The following TCERG1L variants were observed in gnomAD, a reference collection of about 807,000 sequenced individuals.
The protein encoded by TCERG1L is transcription elongation regulator 1 like, also known as transcription elongation regulator 1-like protein.
TCERG1L carries 37 observed loss-of-function variants against 56.3 expected under a neutral mutation model. The ratio of observed to expected loss-of-function variants is 0.66; its 90% CI spans 0.51 to 0.87. The LOEUF (loss-of-function observed/expected upper bound fraction) is 0.87, where lower values mean the gene tolerates loss of function less well. TCERG1L is among the 40% of genes least tolerant of loss of function. The pLI is 0.00. For synonymous variants in TCERG1L, 324 were observed against 326.3 expected, an observed-to-expected ratio of 0.99 and a Z score of 0.08; for missense variants, 799 against 774.2, an observed-to-expected ratio of 1.03 and a Z score of -0.38.
chr10:131,120,187 G>A (rs74160849), intron 8 of TCERG1L, among the ~76,000 whole-genome samples: 3,593 of 152,158 alleles, frequency 0.024, 130 homozygotes, highest in African/African-American at 0.083. Flanking sequence ...GTGTGTGTGC[G>A]CATGCGTGCA....
At chr10:131,254,770 C>A (rs145797318) in intron 4 of TCERG1L, among the ~76,000 whole-genome samples, 47 of 152,228 alleles carry the variant, frequency 3.1e-4, no homozygotes, top group African/African-American at 1.1e-3. Flanking sequence ...CCTGGGCAGA[C>A]CCGGGGCAAC....
chr10:131,166,900 C>A lies in TCERG1L; in HGVS notation c.857-15G>T. The A allele has an allele frequency of 2.5e-6, 4 of 1,601,428 alleles. No homozygotes were observed. Among genetic ancestry groups the A allele is most frequent in the Non-Finnish European group, 3.4e-6 (4 of 1,176,542 alleles). On this transcript the variant is annotated splice_polypyrimidine_tract_variant and intron_variant, in intron 4 of 11. Transcript: ENST00000368642. ...TGTCCTTGTATCTGTTGGGCCAAAG[C>A]AGTTGTCATTAACATTTCATTTGTC...
chr10:131,119,115 C>A (rs1203045446), intron 8 of TCERG1L, among the ~76,000 whole-genome samples: 1 of 152,160 alleles, frequency 6.6e-6, no homozygotes, highest in Non-Finnish European at 1.5e-5. Context: ...CCAGACCCGG[C>A]CGTCCAGGCC....
chr10:131,202,378 C>G (rs1002195898), intron 4 of TCERG1L, among the ~76,000 whole-genome samples: 8 of 152,060 alleles, frequency 5.3e-5, no homozygotes, highest in Non-Finnish European at 8.8e-5. Context: ...GGTCAGGAGT[C>G]CGAGACCAGT....
intron 4 of TCERG1L, among the ~76,000 whole-genome samples, chr10:131,235,212 C>T (rs1164089931): frequency 6.6e-6 from 1 of 152,230 alleles, no homozygotes; most frequent in Non-Finnish European, 1.5e-5. Flanking sequence ...ACCCTTACCA[C>T]ATGTACCAAC....
At chr10:131,234,085 G>A (rs1032614130) in intron 4 of TCERG1L, among the ~76,000 whole-genome samples, 2 of 152,184 alleles carry the variant, frequency 1.3e-5, no homozygotes, top group African/African-American at 4.8e-5. Flanking sequence ...CCATGTTCTT[G>A]AACTTCCCAG....
chr10:131,269,998 C>T (rs1444895320), intron 3 of TCERG1L, among the ~76,000 whole-genome samples: 3 of 152,204 alleles, frequency 2.0e-5, no homozygotes, highest in Admixed American at 6.5e-5. Flanking sequence ...GAGGAGCGCA[C>T]TTCAGGAGGA....
chr10:131,174,346 C>G (rs1007191321), intron 4 of TCERG1L, among the ~76,000 whole-genome samples: 2 of 152,210 alleles, frequency 1.3e-5, no homozygotes, highest in East Asian at 3.9e-4. Context: ...GGGGCCGTTT[C>G]CCTGGGAGCC....
At position 131,123,822 on chromosome 10, in the gene TCERG1L, C is replaced by T. The variant is rs4750851; in HGVS notation, c.1260-6888G>A. Among the ~76,000 whole-genome samples, 1,124 of 152,298 alleles carry T rather than the reference C, an allele frequency of 7.4e-3. 12 individuals carry two copies. The highest frequency in any genetic ancestry group is 0.01 in the Non-Finnish European group (694 of 68,026). ...GAGTGCACGGTTATTCCCATTAGGA[C>T]CCCACGGAGCCGAGACCCTGCCCCT... is the stretch of plus-strand genomic sequence containing the variant. On this transcript the variant is annotated intron_variant, in intron 8 of 11. Transcript: ENST00000368642.
At chr10:131,228,835 C>T (rs540959358) in intron 4 of TCERG1L, among the ~76,000 whole-genome samples, 39 of 113,504 alleles carry the variant, frequency 3.4e-4, no homozygotes, top group African/African-American at 1.1e-3. Flanking sequence ...TCCCTCCAGA[C>T]AGGCATTTCC....
intron 4 of TCERG1L, among the ~76,000 whole-genome samples, chr10:131,189,652 A>T (rs911316637): frequency 6.6e-6 from 1 of 152,116 alleles, no homozygotes; most frequent in African/African-American, 2.4e-5. Context: ...GAGTGCAGGT[A>T]TCTTTTTGGT....
chr10:131,181,286 G>A (rs1298548772), intron 4 of TCERG1L, among the ~76,000 whole-genome samples: 1 of 152,206 alleles, frequency 6.6e-6, no homozygotes, highest in African/African-American at 2.4e-5. Context: ...CTGGGAGGAT[G>A]GAAATCAGGC....
intron 4 of TCERG1L, among the ~76,000 whole-genome samples, chr10:131,178,336 G>C (rs902201058): frequency 3.9e-5 from 6 of 152,234 alleles, no homozygotes; most frequent in Non-Finnish European, 5.9e-5. Context: ...GAAACAAGAC[G>C]AGGCAGGTTT....
chr10:131,288,567 G>A (rs1417873279), intron 3 of TCERG1L, among the ~76,000 whole-genome samples: 1 of 152,152 alleles, frequency 6.6e-6, no homozygotes, highest in Admixed American at 6.5e-5. Flanking sequence ...GGAGAAAATG[G>A]AAGTCCCGTC....
At position 131,292,371 on chromosome 10, in the gene TCERG1L, A is replaced by G. The variant is rs1204019122; in HGVS notation, c.670+15840T>C. Among the ~76,000 whole-genome samples the G allele has an allele frequency of 3.9e-5, 6 of 152,220 alleles. No individual in the cohort carries two copies. In the East Asian group the frequency reaches 1.2e-3, roughly 29 times the overall value. On this transcript the variant is annotated intron_variant, in intron 3 of 11. Coordinates refer to ENST00000368642, the MANE Select transcript of TCERG1L (RefSeq NM_174937.4). ...GATACTATTGTCACTGCCTTTCATA[A>G]TATGATGCTGTTGATGAAATGTATA...
At chr10:131,289,534 G>GTGC (rs1564834764) in intron 3 of TCERG1L, among the ~76,000 whole-genome samples, 12 of 14,948 alleles carry the variant, frequency 8.0e-4, no homozygotes, top group Non-Finnish European at 1.4e-3. Flanking sequence ...ATCTCCTATC[G>GTGC]GTGTGTATGT....
At chr10:131,231,032 A>T (rs758358057) in intron 4 of TCERG1L, among the ~76,000 whole-genome samples, 5 of 150,664 alleles carry the variant, frequency 3.3e-5, no homozygotes, top group Non-Finnish European at 6.0e-5. Context: ...AAAGACTGAG[A>T]TTTAGCCTGA....
chr10:131,116,838 C>G lies in TCERG1L; in HGVS notation c.1356G>C (p.Glu452Asp), dbSNP rs894288962. 5.7e-6 allele frequency: 9 copies of G among 1,577,976 alleles called. No homozygotes were observed. The highest frequency in any genetic ancestry group is 7.7e-6 in the Non-Finnish European group (9 of 1,162,460). ...PPPQILLPLE[E>D]RVTHFRDMLL... ...GCATGTCTCGGAAGTGGGTCACACG[C>G]TCCTCCAGAGGCAGGAGGATCTGCG... is the stretch of plus-strand genomic sequence containing the variant. The change falls in exon 9 of 12, where the codon GAG (glutamate) becomes GAC (aspartate). Residue 452 changes from glutamate to aspartate, a missense_variant. Transcript: ENST00000368642.
chr10:131,266,534 C>T (rs1251831651), intron 3 of TCERG1L, among the ~76,000 whole-genome samples: 2 of 152,188 alleles, frequency 1.3e-5, no homozygotes, highest in Non-Finnish European at 2.9e-5. Flanking sequence ...CTTGGTCTGA[C>T]TTCTTGAGTC....
Sources: gnomAD v4.1 joint callset for allele counts (sites outside exome capture counted in the v4.1 genomes callset) on GRCh38, gnomAD v4.1.1 for gene constraint, MANE v1.5 for transcripts, NCBI Gene and HGNC (gene_info 2026-07-23, HGNC 2026-07-21) for gene names.